The following COL5A1 variants were observed in gnomAD, a reference collection of about 807,000 sequenced individuals.
COL5A1 encodes the protein collagen type V alpha 1 chain.
A neutral mutation model predicts 263.7 loss-of-function variants in COL5A1; 16 were observed. The observed-to-expected ratio is 0.06, with a 90% CI of 0.04 to 0.09. COL5A1 has a LOEUF of 0.09. Ranked by LOEUF, COL5A1 falls within the 10% of genes least tolerant of loss-of-function variation. COL5A1 has a pLI of 1.00. For missense variants in COL5A1, 2,036 were observed against 2,540.5 expected, an observed-to-expected ratio of 0.80 and a Z score of 4.27; for synonymous variants, 1,012 against 1,004.5, an observed-to-expected ratio of 1.01 and a Z score of -0.14.
At chr9:134,830,072 T>C (rs1483957263) in intron 64 of COL5A1, 28 bp downstream of exon 64, 5 of 1,613,642 alleles carry the variant, frequency 3.1e-6, no homozygotes, top group African/African-American at 1.3e-5. Context: ...GTCTTTGCGG[T>C]TGTCACTTTA....
chr9:134,814,975 C>T, intron 50 of COL5A1, 71 bp downstream of exon 50: 2 of 1,087,706 alleles, frequency 1.8e-6, no homozygotes, highest in South Asian at 2.8e-5. Context: ...CATTCTGACT[C>T]ACTGGCGGTG....
At chr9:134,799,216 G>A (rs1418351428) in intron 37 of COL5A1, among the ~76,000 whole-genome samples, 1 of 152,176 alleles carries the variant, frequency 6.6e-6, no homozygotes, top group African/African-American at 2.4e-5. Flanking sequence ...GGGAGAAAAA[G>A]CCCTCATCAG....
chr9:134,653,854 G>T (rs1588404735), intron 1 of COL5A1, among the ~76,000 whole-genome samples: 2 of 151,184 alleles, frequency 1.3e-5, no homozygotes, highest in South Asian at 4.2e-4. Context: ...AGGGCTGGGA[G>T]TCTGTAGGGC....
chr9:134,751,913 G>T (rs1278605035), intron 13 of COL5A1, among the ~76,000 whole-genome samples: 1 of 152,220 alleles, frequency 6.6e-6, no homozygotes, highest in Non-Finnish European at 1.5e-5. Flanking sequence ...TGCCTGGCTG[G>T]CCTTTTATCT....
intron 4 of COL5A1, among the ~76,000 whole-genome samples, chr9:134,718,890 A>G (rs1834358663): frequency 6.6e-6 from 1 of 152,184 alleles, no homozygotes; most frequent in Non-Finnish European, 1.5e-5. Context: ...GGCTGCAAGA[A>G]TGGGAGTAGG....
At chr9:134,739,626 T>C (rs1191912339) in intron 11 of COL5A1, among the ~76,000 whole-genome samples, 1 of 152,148 alleles carries the variant, frequency 6.6e-6, no homozygotes, top group Non-Finnish European at 1.5e-5. Context: ...GCTTCCCAGG[T>C]TACTGCACGG....
chr9:134,789,532 G>A lies in COL5A1; in HGVS notation c.2700+324G>A, dbSNP rs1201009395. Among the ~76,000 whole-genome samples, 1 of 152,140 alleles carries A rather than the reference G, an allele frequency of 6.6e-6. No individual in the cohort carries two copies. The highest frequency in any genetic ancestry group is 2.1e-4 in the South Asian group (1 of 4,818). On this transcript the variant is annotated intron_variant, in intron 32 of 65. Coordinates refer to ENST00000371817, the MANE Select transcript of COL5A1 (RefSeq NM_000093.5). The surrounding 1 kb of genome is among the most constrained non-coding windows in gnomAD (Gnocchi z 4.8). ...CAGATTCTTCTCCTCTACCCAAGTG[G>A]GCTTTTCCTCCAAGCTAATTTTAAA...
chr9:134,720,011 G>T, intron 4 of COL5A1, among the ~76,000 whole-genome samples: 1 of 152,134 alleles, frequency 6.6e-6, no homozygotes, highest in East Asian at 1.9e-4. Context: ...TGAGGTCGTG[G>T]TCAGGCTGCT....
chr9:134,664,963 C>A (rs763338929), intron 1 of COL5A1, among the ~76,000 whole-genome samples: 16 of 152,202 alleles, frequency 1.1e-4, no homozygotes, highest in South Asian at 4.1e-4. Flanking sequence ...CTTTGGGAGG[C>A]TGAGGCAGAC....
intron 1 of COL5A1, chr9:134,649,522 C>G (rs1431524562): frequency 2.1e-6 from 1 of 470,914 alleles, no homozygotes; most frequent in Admixed American, 2.4e-5. Flanking sequence ...GAAATTAGCT[C>G]TTCTGTCCTT....
At chr9:134,770,552 C>T (rs1248616004) in intron 25 of COL5A1, among the ~76,000 whole-genome samples, 1 of 152,182 alleles carries the variant, frequency 6.6e-6, no homozygotes, top group Non-Finnish European at 1.5e-5. Context: ...ATAGATCTAC[C>T]ATGCCAAGGG....
Position 134,815,602 on chromosome 9 carries a change from T to G in COL5A1, c.4041T>G (p.Pro1347=). ...SPGPVGFPGD[P]GPPGEPGPAG... ...GCCCAGTGGGTTTTCCTGGAGATCC[T>G]GGCCCCCCCGGAGAGCCTGGCCCCG... The change falls in exon 51 of 66, where the codon CCT becomes CCG. Residue 1347 remains proline (P), a synonymous_variant. Transcript: ENST00000371817. 6.2e-7 allele frequency: 1 copy of G among 1,613,744 alleles called. No individual in the cohort carries two copies. The highest frequency in any genetic ancestry group is 1.7e-4 in the Middle Eastern group (1 of 6,060).
At chr9:134,654,216 TGTGTGTAGGGCTGGAG>T (rs1831815098) in intron 1 of COL5A1, among the ~76,000 whole-genome samples, 1 of 67,992 alleles carries the variant, frequency 1.5e-5, no homozygotes, top group African/African-American at 6.0e-5. Flanking sequence ...GTAGAGCTGG[TGTGTGTAGGGCTGGAG>T]GTGTGTAGGG....
At chr9:134,808,897 C>A in intron 42 of COL5A1, 1 of 509,462 alleles carries the variant, frequency 2.0e-6, no homozygotes, top group African/African-American at 1.9e-5. Flanking sequence ...TGGATCCTGT[C>A]TCTACTGCTC....
intron 59 of COL5A1, 188 bp from the exon 60 acceptor site, chr9:134,822,810 G>A (rs1310770441): frequency 2.4e-5 from 17 of 711,950 alleles, no homozygotes; most frequent in South Asian, 1.5e-4. Context: ...GTGTCTCCAC[G>A]AGGGGTGAGC....
Position 134,736,031 on chromosome 9 carries a change from C to A in COL5A1, c.1390-2443C>A, listed in dbSNP as rs545741767. ...GCCGGGAGTCCCCTTGCCAGCCTGGCACCTAGCACCTCTGGTGACAGCCTC... is the reference window on the plus strand; with the variant it reads ...GCCGGGAGTCCCCTTGCCAGCCTGGAACCTAGCACCTCTGGTGACAGCCTC... On this transcript the variant is annotated intron_variant, in intron 9 of 65. Transcript: ENST00000371817. Among the ~76,000 whole-genome samples the A allele has an allele frequency of 2.0e-5, 3 of 150,154 alleles. No individual in the cohort carries two copies. The South Asian group carries it at 6.3e-4, about 32-fold the overall frequency.
At chr9:134,668,818 C>G (rs1323205939) in intron 1 of COL5A1, among the ~76,000 whole-genome samples, 1 of 152,058 alleles carries the variant, frequency 6.6e-6, no homozygotes, top group African/African-American at 2.4e-5. Flanking sequence ...CACCTGTCCA[C>G]CCACCTATTC....
At chr9:134,746,260 G>A (rs548767505) in intron 11 of COL5A1, among the ~76,000 whole-genome samples, 1 of 152,286 alleles carries the variant, frequency 6.6e-6, no homozygotes, top group African/African-American at 2.4e-5. Flanking sequence ...TGCACACAAA[G>A]GTTCTGGAGA....
intron 18 of COL5A1, among the ~76,000 whole-genome samples, chr9:134,761,076 T>C (rs1376240959): frequency 1.5e-5 from 2 of 136,340 alleles, no homozygotes; most frequent in African/African-American, 2.8e-5. Context: ...TGCACACACA[T>C]GCACACGTGC....
Sources: gnomAD v4.1 joint callset for allele counts (sites outside exome capture counted in the v4.1 genomes callset) on GRCh38, gnomAD v4.1.1 for gene constraint, Gnocchi (gnomAD v3.1) non-coding constraint, MANE v1.5 for transcripts, NCBI Gene and HGNC (gene_info 2026-07-23, HGNC 2026-07-21) for gene names.